The following FMNL2 variants were observed in gnomAD, a reference collection of about 807,000 sequenced individuals.
The protein encoded by FMNL2 is formin like 2, also known as formin-like protein 2.
Under a neutral mutation model 130.2 loss-of-function variants are expected in FMNL2, and 51 were observed. The observed-to-expected ratio is 0.39, with a 90% confidence interval of 0.31 to 0.49. The LOEUF (loss-of-function observed/expected upper bound fraction) is 0.49. FMNL2 is among the 20% of genes least tolerant of loss of function. FMNL2 has a pLI of 0.85. For missense variants in FMNL2, 977 were observed against 1,316.2 expected (o/e 0.74, Z 3.99); for synonymous variants, 465 against 467.1 (o/e 1.00, Z 0.06).
chr2:152,389,587 C>A (rs1397755177), intron 1 of FMNL2, among the ~76,000 whole-genome samples: 1 of 152,142 alleles, frequency 6.6e-6, no homozygotes, highest in East Asian at 1.9e-4. Flanking sequence ...CTGATTTAGA[C>A]TAGAGTTGTT....
In FMNL2 at chr2:152,424,291, G is replaced by A. The variant is rs568556990; in HGVS notation, c.117+88571G>A. ...TATTTAGTAAATATAACGGATTAGC[G>A]CGTTTTGGTGGGAGGAAAATTTGAC... is the stretch of plus-strand genomic sequence containing the variant. On this transcript the variant is annotated intron_variant, in intron 1 of 25. Coordinates refer to ENST00000288670, the MANE Select transcript of FMNL2 (RefSeq NM_052905.4). Among the ~76,000 whole-genome samples, 7 of 146,700 alleles carry A rather than the reference G, an allele frequency of 4.8e-5. No homozygotes were observed. The South Asian group carries it at 6.3e-4, about 13-fold the overall frequency.
At chr2:152,419,944 A>C (rs1274746430) in intron 1 of FMNL2, among the ~76,000 whole-genome samples, 1 of 152,242 alleles carries the variant, frequency 6.6e-6, no homozygotes, top group African/African-American at 2.4e-5. Context: ...GAGACAGCAA[A>C]ATCATCCAAT....
intron 8 of FMNL2, 35 bp downstream of exon 8, chr2:152,578,999 A>C (rs74725228): frequency 1.3e-6 from 2 of 1,561,850 alleles, no homozygotes; most frequent in African/African-American, 1.4e-5. Flanking sequence ...GTCTAAATCT[A>C]TCTAGAGAAA....
At chr2:152,546,427 A>G (rs1036600709) in intron 3 of FMNL2, among the ~76,000 whole-genome samples, 2 of 151,838 alleles carry the variant, frequency 1.3e-5, no homozygotes, top group African/African-American at 2.4e-5. Flanking sequence ...TCTCACAGGA[A>G]CTCTTAGGAG....
chr2:152,379,938 A>G (rs1684371739), intron 1 of FMNL2, among the ~76,000 whole-genome samples: 1 of 152,174 alleles, frequency 6.6e-6, no homozygotes, highest in African/African-American at 2.4e-5. Context: ...GGTGGGTGAG[A>G]ATTTATTAAG....
Position 152,551,448 on chromosome 2 carries a change from G to A in FMNL2, c.359+2351G>A, listed in dbSNP as rs76723059. Among the ~76,000 whole-genome samples the A allele has an allele frequency of 4.6e-5, 7 of 152,320 alleles. No homozygotes were observed. The East Asian group carries it at 1.2e-3, about 25-fold the overall frequency. The stretch of plus-strand genomic sequence containing the variant: ...GCAGAAAAATTCATGGAGATGCATT[G>A]TCTGATTATATGCAACCAATCACTA... On this transcript the variant is annotated intron_variant, in intron 4 of 25. Transcript: ENST00000288670.
intron 1 of FMNL2, among the ~76,000 whole-genome samples, chr2:152,473,063 T>C (rs1458495929): frequency 6.6e-6 from 1 of 152,110 alleles, no homozygotes. Context: ...TGGGCCAAGA[T>C]TGGGTTTTGG....
chr2:152,451,545 T>C (rs771901649), intron 1 of FMNL2, among the ~76,000 whole-genome samples: 16 of 152,112 alleles, frequency 1.1e-4, no homozygotes, highest in Non-Finnish European at 1.6e-4. Context: ...TTGTTTAATC[T>C]GTACCTGATT....
chr2:152,472,086 T>C (rs1219252736), intron 1 of FMNL2, among the ~76,000 whole-genome samples: 2 of 152,232 alleles, frequency 1.3e-5, no homozygotes, highest in African/African-American at 4.8e-5. Context: ...AGTGTTCTTA[T>C]TGTGATACTA....
At chr2:152,638,175 C>G (rs901492174) in intron 23 of FMNL2, among the ~76,000 whole-genome samples, 16 of 152,182 alleles carry the variant, frequency 1.1e-4, no homozygotes, top group Non-Finnish European at 2.1e-4. Flanking sequence ...CTCTCTGTTT[C>G]TTTGTGTGGA....
At chr2:152,612,841 C>A (rs551521353) in intron 11 of FMNL2, among the ~76,000 whole-genome samples, 36 of 152,268 alleles carry the variant, frequency 2.4e-4, no homozygotes, top group African/African-American at 8.7e-4. Flanking sequence ...ACTCCTGCCT[C>A]AAGTAATGCA....
chr2:152,476,498 C>G (rs1690159035), intron 1 of FMNL2, among the ~76,000 whole-genome samples: 2 of 151,944 alleles, frequency 1.3e-5, no homozygotes, highest in African/African-American at 2.4e-5. Context: ...TAGCGAGACC[C>G]TGTCTCTATT....
At chr2:152,607,239 T>TA (rs1377802780) in intron 9 of FMNL2, 100 bp from the exon 10 acceptor site, 2 of 963,696 alleles carry the variant, frequency 2.1e-6, no homozygotes, top group Non-Finnish European at 3.2e-6. Context: ...GAGAAAAAGA[T>TA]AGATATTCTG....
At chr2:152,366,287 G>T (rs1337077283) in intron 1 of FMNL2, among the ~76,000 whole-genome samples, 1 of 110,264 alleles carries the variant, frequency 9.1e-6, no homozygotes, top group Non-Finnish European at 1.8e-5. Context: ...GGGGACTGTT[G>T]TGGGGTGGGG....
chr2:152,608,245 T>C (rs1698482877), intron 10 of FMNL2, among the ~76,000 whole-genome samples: 1 of 151,730 alleles, frequency 6.6e-6, no homozygotes, highest in Non-Finnish European at 1.5e-5. Flanking sequence ...GACGTACCAA[T>C]GACTCCTTAC....
In FMNL2 at chr2:152,529,886, T is replaced by A. The variant is rs78477630; in HGVS notation, c.201+7860T>A. Among the ~76,000 whole-genome samples, 150 of 152,324 alleles carry A rather than the reference T, an allele frequency of 9.8e-4. 1 individual carries two copies. Among genetic ancestry groups the A allele is most frequent in the African/African-American group, 3.2e-3 (135 of 41,568 alleles). ...GTCAGAAATGCTGTTTGGTATTCGT[T>A]GCCAGAGCTAGACATCAAGGGCTTA... is the stretch of plus-strand genomic sequence containing the variant. On this transcript the variant is annotated intron_variant, in intron 2 of 25. Coordinates refer to ENST00000288670, the MANE Select transcript of FMNL2 (RefSeq NM_052905.4).
At chr2:152,382,491 C>T (rs1684529092) in intron 1 of FMNL2, among the ~76,000 whole-genome samples, 1 of 152,100 alleles carries the variant, frequency 6.6e-6, no homozygotes, top group Non-Finnish European at 1.5e-5. Context: ...TCAAGAAGGG[C>T]TGAGAGAGGG....
chr2:152,421,937 C>T (rs1300221840), intron 1 of FMNL2, among the ~76,000 whole-genome samples: 1 of 152,170 alleles, frequency 6.6e-6, no homozygotes, highest in Non-Finnish European at 1.5e-5. Flanking sequence ...AGGTATTTTA[C>T]GTTTATTATC....
chr2:152,452,713 G>A (rs1218765564), intron 1 of FMNL2, among the ~76,000 whole-genome samples: 1 of 150,018 alleles, frequency 6.7e-6, no homozygotes, highest in Non-Finnish European at 1.5e-5. Context: ...CTTTGCTGGT[G>A]GGAGGGGATG....
Sources: allele counts gnomAD v4.1 joint callset (sites outside exome capture counted in the v4.1 genomes callset), GRCh38; gene constraint gnomAD v4.1.1; transcripts MANE v1.5; gene names NCBI Gene and HGNC (gene_info 2026-07-23, HGNC 2026-07-21).